Variants in STK33 observed in about 807,000 individuals in gnomAD.
STK33 encodes the protein serine/threonine-protein kinase 33.
Under a neutral mutation model 58.0 loss-of-function variants are expected in STK33, and 52 were observed. The observed-to-expected ratio is 0.90, with a 90% CI of 0.72 to 1.13. The LOEUF (loss-of-function observed/expected upper bound fraction) is 1.13, where lower values mean the gene tolerates loss of function less well. Among genes scored for constraint, STK33 ranks in the 50% most tolerant of loss-of-function variants. The pLI, the probability that STK33 is intolerant of heterozygous loss-of-function variation, is 0.00. For missense variants in STK33, 630 were observed against 604.2 expected, an observed-to-expected ratio of 1.04 and a Z score of -0.45; for synonymous variants, 215 against 200.1, an observed-to-expected ratio of 1.07 and a Z score of -0.63.
intron 14 of STK33, among the ~76,000 whole-genome samples, chr11:8,430,597 A>C (rs2136142338): frequency 6.6e-6 from 1 of 152,298 alleles, no homozygotes; most frequent in African/African-American, 2.4e-5. Context: ...TAAAAGAATA[A>C]TAGCTCTCTT....
At chr11:8,589,383 A>T (rs2032233639) in intron 1 of STK33, among the ~76,000 whole-genome samples, 1 of 152,186 alleles carries the variant, frequency 6.6e-6, no homozygotes, top group Admixed American at 6.5e-5. Flanking sequence ...TGAAAACATC[A>T]TGCTAAGGGA....
chr11:8,508,520 C>T (rs1952049967), intron 1 of STK33, among the ~76,000 whole-genome samples: 2 of 152,084 alleles, frequency 1.3e-5, no homozygotes, highest in South Asian at 4.1e-4. Context: ...AATCCTCCCA[C>T]CTTGGCCTCC....
chr11:8,449,892 G>T (rs551647565), intron 11 of STK33, among the ~76,000 whole-genome samples: 1 of 152,180 alleles, frequency 6.6e-6, no homozygotes, highest in Non-Finnish European at 1.5e-5. Flanking sequence ...CATTAAAAAA[G>T]TCAGGAAACA....
intron 13 of STK33, 89 bp downstream of exon 13, chr11:8,435,938 A>C: frequency 1.5e-6 from 1 of 655,730 alleles, no homozygotes; most frequent in Non-Finnish European, 2.3e-6. Context: ...TTTAATGACT[A>C]AACAGAGATT....
chr11:8,361,012 G>C, the STK33 span, among the ~76,000 whole-genome samples: 4 of 152,190 alleles, frequency 2.6e-5, no homozygotes, highest in African/African-American at 9.7e-5. The surrounding 1 kb of genome is among the most constrained non-coding windows in gnomAD (Gnocchi z 4.8). Flanking sequence ...TAGGGATCAG[G>C]AATCTTGGGG....
chr11:8,344,174 G>C, the STK33 span, among the ~76,000 whole-genome samples: 29 of 128,202 alleles, frequency 2.3e-4, no homozygotes, highest in South Asian at 6.1e-3. Flanking sequence ...GACACAGGGA[G>C]AACCCCATCT....
At chr11:8,405,926 A>G (rs1939073952) in intron 15 of STK33, among the ~76,000 whole-genome samples, 1 of 152,146 alleles carries the variant, frequency 6.6e-6, no homozygotes, top group East Asian at 1.9e-4. Context: ...GCGGATCACG[A>G]GGTCAGGAGA....
chr11:8,381,643 G>C, the STK33 span, among the ~76,000 whole-genome samples: 3 of 152,038 alleles, frequency 2.0e-5, no homozygotes, highest in Admixed American at 6.6e-5. Context: ...AGTGAGCACC[G>C]AGCAGCTGGA....
At chr11:8,591,028 C>T (rs1399725713) in intron 1 of STK33, among the ~76,000 whole-genome samples, 1 of 152,156 alleles carries the variant, frequency 6.6e-6, no homozygotes, top group African/African-American at 2.4e-5. Context: ...TAGAAAATAG[C>T]TCCAGAGAAC....
At position 8,452,877 on chromosome 11, in the gene STK33, C is replaced by T. The variant is rs771479096; in HGVS notation, c.816G>A (p.Lys272=). 1.5e-5 allele frequency: 24 copies of T among 1,614,142 alleles called. No homozygotes were observed. Among genetic ancestry groups the T allele is most frequent in the East Asian group, 6.7e-5 (3 of 44,876 alleles). ...KVTDFGLAVK[K]QSRSEAMLQA... ...GCAGCATGGCTTCACTCCTACTTTGCTTCTTCACCGCTAAGCCAAAATCAG... is the reference window on the plus strand; with the variant it reads ...GCAGCATGGCTTCACTCCTACTTTGTTTCTTCACCGCTAAGCCAAAATCAG... The change falls in exon 11 of 16, where the codon AAG becomes AAA. Residue 272 remains lysine, a synonymous_variant. Transcript: ENST00000687296.
intron 1 of STK33, among the ~76,000 whole-genome samples, chr11:8,495,110 T>A (rs1022109024): frequency 6.6e-6 from 1 of 152,184 alleles, no homozygotes. Flanking sequence ...CTAATTAAAC[T>A]GAAGAGCTTC....
Position 8,461,846 on chromosome 11 carries a change from CATGTTTTACACTTTTCAGA to C in STK33, c.498_516del (p.Ile166MetfsTer20). 6.2e-7 allele frequency: 1 copy of C among 1,602,870 alleles called. No homozygotes were observed. The highest frequency in any genetic ancestry group is 8.5e-7 in the Non-Finnish European group (1 of 1,175,744). On this transcript the variant is annotated frameshift_variant, in exon 8 of 16. Transcript: ENST00000687296. LOFTEE classifies it high-confidence loss of function. ...ACTTGTTCCAGATGTATGATGTGTT[CATGTTTTACACTTTTCAGA>C]ATGTTCACCTCTCGTTCAAGTAACT...
chr11:8,477,340 C>T (rs961462660), intron 2 of STK33, 57 bp from the exon 3 acceptor site: 3 of 152,118 alleles, frequency 2.0e-5, no homozygotes, highest in African/African-American at 7.2e-5. Context: ...CCATCAATGA[C>T]TCAGAGCAGT....
chr11:8,477,942 T>C (rs1949436544), intron 2 of STK33, among the ~76,000 whole-genome samples: 2 of 152,332 alleles, frequency 1.3e-5, no homozygotes, highest in Middle Eastern at 3.4e-3. Flanking sequence ...AATAATGTTC[T>C]ACTTTCTTAC....
chr11:8,564,985 C>T (rs1310696011), intron 1 of STK33, among the ~76,000 whole-genome samples: 2 of 152,166 alleles, frequency 1.3e-5, no homozygotes, highest in African/African-American at 4.8e-5. Flanking sequence ...GACAAAAGTA[C>T]ACTGACAGAC....
At chr11:8,417,257 T>C (rs1463712086) in intron 14 of STK33, among the ~76,000 whole-genome samples, 1 of 152,210 alleles carries the variant, frequency 6.6e-6, no homozygotes, top group African/African-American at 2.4e-5. Context: ...ACCAGCCTTT[T>C]GGATAAATAA....
chr11:8,473,100 T>G (rs1948934568), intron 6 of STK33, 63 bp downstream of exon 6: 1 of 954,666 alleles, frequency 1.0e-6, no homozygotes, highest in East Asian at 2.5e-5. Context: ...TCATTTTTCC[T>G]ATTAACCATT....
intron 1 of STK33, among the ~76,000 whole-genome samples, chr11:8,591,239 AC>A (rs1048893251): frequency 2.0e-5 from 3 of 152,056 alleles, no homozygotes; most frequent in African/African-American, 7.2e-5. Context: ...ACGAGTACCC[AC>A]CTTTGTATCA....
At chr11:8,394,398 G>T (rs2134968972) in intron 15 of STK33, among the ~76,000 whole-genome samples, 1 of 152,292 alleles carries the variant, frequency 6.6e-6, no homozygotes, top group Middle Eastern at 3.4e-3. Context: ...TCTGTCTTTT[G>T]ACATTTCTAC....
Sources: allele counts gnomAD v4.1 joint callset (sites outside exome capture counted in the v4.1 genomes callset), GRCh38; gene constraint gnomAD v4.1.1; non-coding constraint Gnocchi (gnomAD v3.1); transcripts MANE v1.5; gene names NCBI Gene and HGNC (gene_info 2026-07-23, HGNC 2026-07-21).